The following NAP1L4 variants were observed in gnomAD, a reference collection of about 807,000 sequenced individuals.
The protein encoded by NAP1L4 is nucleosome assembly protein 1-like 4.
Under a neutral mutation model 58.2 loss-of-function variants are expected in NAP1L4, and 15 were observed. The observed-to-expected ratio is 0.26, with a 90% CI of 0.17 to 0.40. NAP1L4 has a LOEUF of 0.40. Among genes scored for constraint, NAP1L4 ranks in the 10% least tolerant of loss-of-function variants. NAP1L4 has a pLI of 1.00. For synonymous variants in NAP1L4, 171 were observed against 155.6 expected, an observed-to-expected ratio of 1.10 and a Z score of -0.74; for missense variants, 384 against 451.1, an observed-to-expected ratio of 0.85 and a Z score of 1.35.
intron 2 of NAP1L4, among the ~76,000 whole-genome samples, chr11:2,978,839 A>T (rs1848126903): frequency 6.6e-6 from 1 of 152,234 alleles, no homozygotes; most frequent in African/African-American, 2.4e-5. Flanking sequence ...CTCACAAAAA[A>T]TAAACATCAA....
At chr11:2,974,554 A>G (rs927867183) in intron 4 of NAP1L4, among the ~76,000 whole-genome samples, 1 of 152,144 alleles carries the variant, frequency 6.6e-6, no homozygotes, top group East Asian at 1.9e-4. Context: ...CACCTTGCCC[A>G]CTAAGTAATC....
In NAP1L4 at chr11:2,959,946, T is replaced by C. The variant is rs184600752; in HGVS notation, c.607-37A>G. 133 of 1,607,864 alleles carry C rather than the reference T, an allele frequency of 8.3e-5. No individual in the cohort carries two copies. Among genetic ancestry groups the C allele is most frequent in the East Asian group, 6.9e-4 (31 of 44,622 alleles). Reference sequence around the variant, plus strand: ...AATTCAGAGTAAGCACCAGTTAAAATAGAAAAATAACGAGGACAGATTGCT... The same window carrying C: ...AATTCAGAGTAAGCACCAGTTAAAACAGAAAAATAACGAGGACAGATTGCT... On this transcript the variant is annotated intron_variant, in intron 8 of 15. Transcript: ENST00000380542. This position sits in a 1 kb window ranked among gnomAD's most constrained non-coding sequence, Gnocchi z 4.9.
intron 1 of NAP1L4, chr11:2,990,465 TG>T (rs556051780): frequency 1.3e-5 from 2 of 152,244 alleles, no homozygotes; most frequent in Non-Finnish European, 2.9e-5. Context: ...CATTAGCAAT[TG>T]CTCATCCCAG....
Position 2,959,760 on chromosome 11 carries a change from A to T in NAP1L4, c.746+10T>A, listed in dbSNP as rs2133931471. On this transcript the variant is annotated intron_variant, in intron 9 of 15. Transcript: ENST00000380542. This position sits in a 1 kb window ranked among gnomAD's most constrained non-coding sequence, Gnocchi z 4.9. ...TTTCAGAAAAACAAGGTAGAATGAC[A>T]TTTTCTTACCCGTCACAGTCCACAA... 1 of 1,609,342 alleles carries T rather than the reference A, an allele frequency of 6.2e-7. No homozygotes were observed. Among genetic ancestry groups the T allele is most frequent in the Non-Finnish European group, 8.5e-7 (1 of 1,178,676 alleles).
At chr11:2,960,095 G>A (rs762644402) in intron 8 of NAP1L4, 186 bp from the exon 9 acceptor site, 4 of 596,632 alleles carry the variant, frequency 6.7e-6, no homozygotes, top group Non-Finnish European at 1.2e-5. Context: ...CGATGGACTG[G>A]CGGGAAATAT....
intron 15 of NAP1L4, 102 bp from the exon 16 acceptor site, chr11:2,945,748 A>G: frequency 1.1e-6 from 1 of 917,874 alleles, no homozygotes; most frequent in Non-Finnish European, 1.6e-6. Flanking sequence ...GTTCATTCTC[A>G]TTGAAAAAAA....
intron 3 of NAP1L4, 74 bp from the exon 4 acceptor site, chr11:2,976,197 A>T: frequency 9.2e-7 from 1 of 1,088,560 alleles, no homozygotes; most frequent in South Asian, 1.4e-5. Flanking sequence ...AAAATTAGTA[A>T]CATATCTACT....
At chr11:2,964,146 C>G (rs1847116630) in intron 8 of NAP1L4, among the ~76,000 whole-genome samples, 1 of 151,986 alleles carries the variant, frequency 6.6e-6, no homozygotes, top group South Asian at 2.1e-4. Context: ...AGGGTAAAAC[C>G]TAGTAGGTTC....
rs1481427012 is a variant in NAP1L4 at position 2,948,018 on chromosome 11, A to G, written c.*32+1209T>C. The stretch of plus-strand genomic sequence containing the variant: ...ACTGAAATACGGATAGGTGGCACGC[A>G]TCGAGGATTCTCTTCAAAAGAGCTG... On this transcript the variant is annotated intron_variant, in intron 15 of 15. Transcript: ENST00000380542. The surrounding 1 kb of genome is among the most constrained non-coding windows in gnomAD (Gnocchi z 5.1). 6.6e-6 allele frequency among the ~76,000 whole-genome samples: 1 copy of G among 151,474 alleles called. No homozygotes were observed. Among genetic ancestry groups the G allele is most frequent in the South Asian group, 2.1e-4 (1 of 4,762 alleles).
chr11:2,973,065 T>C (rs546483794), intron 4 of NAP1L4, among the ~76,000 whole-genome samples: 5 of 152,218 alleles, frequency 3.3e-5, no homozygotes, highest in Non-Finnish European at 5.9e-5. Flanking sequence ...ACAATGCAAG[T>C]GCAACAGCAT....
Position 2,971,189 on chromosome 11 carries a change from C to A in NAP1L4, c.402+259G>T, listed in dbSNP as rs139456171. 4.5e-4 allele frequency among the ~76,000 whole-genome samples: 69 copies of A among 152,314 alleles called. 2 individuals carry two copies. The South Asian group carries it at 7.3e-3, about 16-fold the overall frequency. On this transcript the variant is annotated intron_variant, in intron 6 of 15. Coordinates refer to ENST00000380542, the MANE Select transcript of NAP1L4 (RefSeq NM_005969.4). The surrounding 1 kb of genome is among the most constrained non-coding windows in gnomAD (Gnocchi z 4.2). ...TCTTTGCTTTCTCTGATGTTTTAAT[C>A]TTTGTTGGTCTGATCCCTTATTTCA...
rs531439215 is a variant in NAP1L4, at chr11:2,963,055, A to G, written c.606+1625T>C. On this transcript the variant is annotated intron_variant, in intron 8 of 15. Transcript: ENST00000380542. ...GCAGAGGTTGCAGTGAGCCGAGATC[A>G]TATCACTGCACTCCAGCCTGGTGAC... Among the ~76,000 whole-genome samples the G allele has an allele frequency of 1.4e-3, 197 of 145,874 alleles. 1 individual carries two copies. The highest frequency in any genetic ancestry group is 4.9e-3 in the African/African-American group (190 of 38,964).
intron 4 of NAP1L4, among the ~76,000 whole-genome samples, chr11:2,973,769 T>C (rs1245054585): frequency 6.6e-6 from 1 of 152,188 alleles, no homozygotes; most frequent in Non-Finnish European, 1.5e-5. Context: ...GCACTGGTCA[T>C]TCATTCATTC....
At position 2,954,553 on chromosome 11, in the gene NAP1L4, C is replaced by T; in HGVS notation, c.1009G>A (p.Gly337Arg). ...IVPRAVLYFT[G>R]EAIEDDDNFE... ...TTGTCATCATCTTCTATGGCCTCCCCAGTGAAGTACAGCACAGCCCGCGGG... is the reference window on the plus strand; with the variant it reads ...TTGTCATCATCTTCTATGGCCTCCCTAGTGAAGTACAGCACAGCCCGCGGG... Residue 337 changes from glycine to arginine, a missense_variant, in exon 12 of 16, where the codon GGG (glycine) becomes AGG (arginine). Physicochemically the swap from Gly to Arg is moderately radical, Grantham distance 125. Around this residue, in one of 3 missense-constraint regions of NAP1L4, gnomAD observed 296 missense variants for 360.8 expected, o/e 0.82. Coordinates refer to ENST00000380542, the MANE Select transcript of NAP1L4 (RefSeq NM_005969.4). This position sits in a 1 kb window ranked among gnomAD's most constrained non-coding sequence, Gnocchi z 4.8. 1.2e-6 allele frequency: 2 copies of T among 1,614,212 alleles called. No homozygotes were observed. Among genetic ancestry groups the T allele is most frequent in the Non-Finnish European group, 1.7e-6 (2 of 1,180,048 alleles).
intron 1 of NAP1L4, chr11:2,983,810 G>A (rs921805632): frequency 6.6e-6 from 1 of 151,718 alleles, no homozygotes; most frequent in Non-Finnish European, 1.5e-5. Flanking sequence ...GGGAAACCTC[G>A]TCTCTACAAA....
intron 4 of NAP1L4, among the ~76,000 whole-genome samples, chr11:2,975,373 T>C (rs1259166680): frequency 6.6e-6 from 1 of 152,046 alleles, no homozygotes; most frequent in African/African-American, 2.4e-5. Context: ...ATCCTAGGAT[T>C]CTAGGATCAC....
chr11:2,973,126 G>A (rs761016982), intron 4 of NAP1L4, among the ~76,000 whole-genome samples: 11 of 152,210 alleles, frequency 7.2e-5, no homozygotes, highest in African/African-American at 2.7e-4. Context: ...TTAGTGCCAC[G>A]TGGGAATCCA....
chr11:2,948,409 T>C lies in NAP1L4; in HGVS notation c.*32+818A>G, dbSNP rs1846051202. 6.6e-6 allele frequency among the ~76,000 whole-genome samples: 1 copy of C among 152,012 alleles called. No individual in the cohort carries two copies. The highest frequency in any genetic ancestry group is 6.6e-5 in the Admixed American group (1 of 15,264). On this transcript the variant is annotated intron_variant, in intron 15 of 15. Coordinates refer to ENST00000380542, the MANE Select transcript of NAP1L4 (RefSeq NM_005969.4). This position sits in a 1 kb window ranked among gnomAD's most constrained non-coding sequence, Gnocchi z 5.1. ...CAGAGGCCCTGCTATGGTTGTGGGG[T>C]TCCTCATGGCACCTCTTGTCCCCAC...
At chr11:2,984,620 G>T (rs549006540) in intron 1 of NAP1L4, among the ~76,000 whole-genome samples, 1 of 152,168 alleles carries the variant, frequency 6.6e-6, no homozygotes, top group East Asian at 1.9e-4. Context: ...ATGGTCCCCC[G>T]TCACCTTCTG....
Sources: gnomAD v4.1 joint callset for allele counts (sites outside exome capture counted in the v4.1 genomes callset) on GRCh38, gnomAD v4.1.1 for gene constraint, gnomAD v4.1.1 regional missense constraint, Gnocchi (gnomAD v3.1) non-coding constraint, MANE v1.5 for transcripts, NCBI Gene and HGNC (gene_info 2026-07-23, HGNC 2026-07-21) for gene names.